The following ARV1 variants were observed in gnomAD, a reference collection of about 807,000 sequenced individuals.
The protein encoded by ARV1 is ARV1 fatty acid homeostasis modulator.
ARV1 carries 26 observed loss-of-function variants against 31.1 expected under a neutral mutation model. That is an observed-to-expected ratio of 0.84 (90% CI 0.61 to 1.16). The LOEUF (loss-of-function observed/expected upper bound fraction) is 1.16, where lower values mean the gene tolerates loss of function less well. Ranked by LOEUF, ARV1 falls within the 50% of genes most tolerant of loss-of-function variation. The pLI is 0.00. For synonymous variants in ARV1, 117 were observed against 123.2 expected, an observed-to-expected ratio of 0.95 and a Z score of 0.34; for missense variants, 281 against 324.9, an observed-to-expected ratio of 0.86 and a Z score of 1.04.
chr1:230,979,274 A>G lies in ARV1; in HGVS notation c.169A>G (p.Ile57Val), dbSNP rs1383408969. The part of the protein sequence containing the change: ...DYNHGVLKIT[I>V]CKSCQKPVDK... ...TAACCACGGTGTGCTGAAGATAACC[A>G]TCTGTGTGAGTTGTCAGGTGTGGGG... The change falls in exon 1 of 6, where the codon ATC becomes GTC. Residue 57 changes from isoleucine (I) to valine (V), a missense_variant. Physicochemically the swap from Ile to Val is conservative, Grantham distance 29 (BLOSUM62 3). Transcript: ENST00000310256. The G allele has an allele frequency of 6.2e-7, 1 of 1,613,304 alleles. No homozygotes were observed. Among genetic ancestry groups the G allele is most frequent in the Non-Finnish European group, 8.5e-7 (1 of 1,179,652 alleles).
chr1:230,985,421 GGC>G (rs907590703), intron 1 of ARV1, among the ~76,000 whole-genome samples: 4 of 152,158 alleles, frequency 2.6e-5, no homozygotes, highest in Admixed American at 2.0e-4. Context: ...TAGAAACTGT[GGC>G]TGAAGGTGAA....
At chr1:230,986,007 C>G (rs1193965971) in intron 1 of ARV1, among the ~76,000 whole-genome samples, 2 of 151,978 alleles carry the variant, frequency 1.3e-5, no homozygotes, top group African/African-American at 4.8e-5. Flanking sequence ...AGCTCCGCCT[C>G]CTGGGTTCAC....
rs1553303942 is a variant in ARV1, at chr1:230,984,361, TGC to T, written c.175-3957_175-3956del. ...TTTGTTTCGTGTGTGTGTGTGTGTG[TGC>T]GTGTGTGTGTGTGTGTGTGTGTGTG... is the stretch of plus-strand genomic sequence containing the variant. On this transcript the variant is annotated intron_variant, in intron 1 of 5. Coordinates refer to ENST00000310256, the MANE Select transcript of ARV1 (RefSeq NM_022786.3). 7.4e-3 allele frequency among the ~76,000 whole-genome samples: 768 copies of T among 103,312 alleles called. 4 individuals are homozygous for T. The highest frequency in any genetic ancestry group is 0.012 in the South Asian group (39 of 3,222). 67.8% of individuals were successfully genotyped at this position (103,312 alleles called of 152,430 possible).
At chr1:230,989,257 C>T (rs1572338985) in intron 2 of ARV1, among the ~76,000 whole-genome samples, 5 of 152,150 alleles carry the variant, frequency 3.3e-5, no homozygotes. Context: ...ACTGCCTCAG[C>T]CTCCCAAGTA....
intron 1 of ARV1, among the ~76,000 whole-genome samples, chr1:230,980,763 CAAA>C (rs35414845): frequency 2.2e-5 from 3 of 138,540 alleles, no homozygotes; most frequent in Non-Finnish European, 3.1e-5. Context: ...CTTCTTCCAT[CAAA>C]AAAAAAAAAA....
chr1:230,993,083 AT>A (rs1326905063), intron 3 of ARV1, among the ~76,000 whole-genome samples: 1 of 152,058 alleles, frequency 6.6e-6, no homozygotes, highest in Non-Finnish European at 1.5e-5. Context: ...CCTCTTAAAA[AT>A]TTTTTTTAAT....
Position 230,979,128 on chromosome 1 carries a change from G to T in ARV1, c.23G>T (p.Gly8Val), listed in dbSNP as rs1558237473. 1 of 1,606,000 alleles carries T rather than the reference G, an allele frequency of 6.2e-7. No individual in the cohort carries two copies. The highest frequency in any genetic ancestry group is 2.2e-5 in the East Asian group (1 of 44,592). ...GAAATGGGCAACGGCGGGCGGAGCG[G>T]CCTGCAGCAGGGGAAGGGGAACGTG... Reference protein sequence around the residue: MGNGGRSGLQQGKGNVDG... With the variant: MGNGGRSVLQQGKGNVDG... The change falls in exon 1 of 6, where the codon GGC becomes GTC. Residue 8 changes from glycine (G) to valine (V), a missense_variant. Gly to Val is a moderately radical substitution (Grantham distance 109, BLOSUM62 -3). Coordinates refer to ENST00000310256, the MANE Select transcript of ARV1 (RefSeq NM_022786.3).
At chr1:230,995,434 C>G (rs1271811245) in intron 3 of ARV1, among the ~76,000 whole-genome samples, 1 of 152,144 alleles carries the variant, frequency 6.6e-6, no homozygotes, top group African/African-American at 2.4e-5. Context: ...AGATCTCTTA[C>G]ACTGAAGATG....
intron 4 of ARV1, among the ~76,000 whole-genome samples, chr1:230,996,304 C>T (rs1679365513): frequency 6.6e-6 from 1 of 152,206 alleles, no homozygotes; most frequent in Non-Finnish European, 1.5e-5. Flanking sequence ...TCCGACGTTA[C>T]ATGGCTGGGC....
chr1:230,983,050 C>G (rs1678954190), intron 1 of ARV1, among the ~76,000 whole-genome samples: 1 of 152,078 alleles, frequency 6.6e-6, no homozygotes. Context: ...TCTAATATAT[C>G]ATGTGTCCCT....
In ARV1 at chr1:230,979,210, C is replaced by G; in HGVS notation, c.105C>G (p.Ile35Met). 1 of 1,613,382 alleles carries G rather than the reference C, an allele frequency of 6.2e-7. No individual in the cohort carries two copies. The highest frequency in any genetic ancestry group is 8.5e-7 in the Non-Finnish European group (1 of 1,179,690). Residue 35 changes from isoleucine to methionine, a missense_variant, in exon 1 of 6, where the codon ATC becomes ATG. Ile to Met is a conservative substitution (Grantham distance 10, BLOSUM62 1). Transcript: ENST00000310256. ...CGGCCTCCTGCCAGTACAGGTGCAT[C>G]GAATGCAACCAGGAGGCCAAAGAGT... Reference protein sequence around the residue: ...AASASCQYRCIECNQEAKELY... With the variant: ...AASASCQYRCMECNQEAKELY...
At position 230,979,121 on chromosome 1, in the gene ARV1, C is replaced by A. The variant is rs199848956; in HGVS notation, c.16C>A (p.Arg6=). The A allele has an allele frequency of 7.6e-6, 12 of 1,583,668 alleles. No homozygotes were observed. Among genetic ancestry groups the A allele is most frequent in the Non-Finnish European group, 7.7e-6 (9 of 1,168,352 alleles). Residue 6 remains arginine, a synonymous_variant, in exon 1 of 6, where the codon CGG becomes AGG. Transcript: ENST00000310256. ...TTGAGTGGAAATGGGCAACGGCGGG[C>A]GGAGCGGCCTGCAGCAGGGGAAGGG... MGNGG[R]SGLQQGKGNV...
chr1:230,997,839 G>T (rs1679413007), intron 5 of ARV1, among the ~76,000 whole-genome samples: 1 of 152,180 alleles, frequency 6.6e-6, no homozygotes, highest in Non-Finnish European at 1.5e-5. Flanking sequence ...GAGCCTCGCA[G>T]TGTTTCCTGA....
chr1:230,987,419 G>A (rs1340850351), intron 1 of ARV1, among the ~76,000 whole-genome samples: 3 of 152,200 alleles, frequency 2.0e-5, no homozygotes, highest in African/African-American at 7.2e-5. Flanking sequence ...GCATTTTTGT[G>A]AATAGTACTG....
At chr1:230,998,326 C>T (rs1248691309) in intron 5 of ARV1, among the ~76,000 whole-genome samples, 3 of 152,176 alleles carry the variant, frequency 2.0e-5, no homozygotes, top group Non-Finnish European at 4.4e-5. Context: ...TTACATCCTC[C>T]TTGCAAGTAG....
At chr1:230,988,946 G>A (rs1679158089) in intron 2 of ARV1, among the ~76,000 whole-genome samples, 1 of 152,050 alleles carries the variant, frequency 6.6e-6, no homozygotes, top group Admixed American at 6.6e-5. Flanking sequence ...ATTGAATTGT[G>A]AGCTCTTTAA....
intron 1 of ARV1, among the ~76,000 whole-genome samples, chr1:230,981,027 C>G (rs1445335985): frequency 6.6e-6 from 1 of 152,166 alleles, no homozygotes; most frequent in African/African-American, 2.4e-5. Flanking sequence ...AGCATTTTAC[C>G]TCATTACTTC....
intron 2 of ARV1, among the ~76,000 whole-genome samples, chr1:230,989,779 A>G (rs1374431384): frequency 6.6e-6 from 1 of 152,248 alleles, no homozygotes; most frequent in Non-Finnish European, 1.5e-5. Flanking sequence ...AAGGTGAACT[A>G]TTATTTAAAG....
chr1:230,991,654 C>T (rs1253736016), intron 3 of ARV1, among the ~76,000 whole-genome samples: 26 of 131,324 alleles, frequency 2.0e-4, no homozygotes, highest in African/African-American at 6.9e-4. Context: ...TTTTTTGAGA[C>T]GGAGTCTCAC....
Sources: allele counts gnomAD v4.1 joint callset (sites outside exome capture counted in the v4.1 genomes callset), GRCh38; gene constraint gnomAD v4.1.1; transcripts MANE v1.5; gene names NCBI Gene and HGNC (gene_info 2026-07-23, HGNC 2026-07-21).